PRAMEF19: variants seen among roughly 807,000 people sequenced by gnomAD.
PRAMEF19 encodes PRAME family member 19.
PRAMEF19 carries 21 observed loss-of-function variants against 33.1 expected under a neutral mutation model. That is an observed-to-expected ratio of 0.63 (90% confidence interval 0.45 to 0.91). The LOEUF is 0.91. Ranked by LOEUF, PRAMEF19 falls within the 40% of genes least tolerant of loss-of-function variation. The pLI is 0.00. For synonymous variants in PRAMEF19, 179 were observed against 229.3 expected, an observed-to-expected ratio of 0.78 and a Z score of 1.98; for missense variants, 481 against 585.2, an observed-to-expected ratio of 0.82 and a Z score of 1.84.
exon 3 of PRAMEF19, chr1:13,369,384 G>T: frequency 7.0e-7 from 1 of 1,425,408 alleles, no homozygotes; most frequent in Non-Finnish European, 9.5e-7. Context: ...TTGGAGCAGC[G>T]GCTCAGGGCA....
intron 2 of PRAMEF19, among the ~76,000 whole-genome samples, chr1:13,370,056 C>A (rs1640651970): frequency 6.6e-6 from 1 of 152,244 alleles, no homozygotes; most frequent in African/African-American, 2.4e-5. Flanking sequence ...TTGTACCACT[C>A]TCGTGCCTAC....
chr1:13,370,823 A>G, exon 2 of PRAMEF19: 1 of 1,613,966 alleles, frequency 6.2e-7, no homozygotes, highest in Non-Finnish European at 8.5e-7. Flanking sequence ...AAGATTCTTC[A>G]TCTGGCTCAG....
At chr1:13,370,624 G>A in intron 2 of PRAMEF19, 25 bp downstream of exon 2, 1 of 1,613,444 alleles carries the variant, frequency 6.2e-7, no homozygotes, top group South Asian at 1.1e-5. Context: ...GTGTCCCCCA[G>A]AGAAAGCTCA....
At chr1:13,370,812 G>T in exon 2 of PRAMEF19, 5 of 1,613,928 alleles carry the variant, frequency 3.1e-6, no homozygotes, top group Non-Finnish European at 3.4e-6. Flanking sequence ...AAGAGTTTTC[G>T]AAGATTCTTC....
At chr1:13,371,582 C>T (rs1640672841) in intron 1 of PRAMEF19, 32 bp downstream of exon 1, 6 of 1,610,760 alleles carry the variant, frequency 3.7e-6, no homozygotes, top group African/African-American at 1.4e-5. Context: ...AGTCCCTGGA[C>T]ACCTGGGCCC....
chr1:13,371,616 G>A lies in PRAMEF19; in HGVS notation c.285C>T (p.Pro95=), dbSNP rs1413420949. 5.6e-6 allele frequency: 9 copies of A among 1,610,740 alleles called. No individual in the cohort carries two copies. The African/African-American group carries it at 1.2e-4, about 22-fold the overall frequency. ...CCTCCCCACCTGGGTCACCTCACCT[G>A]GGGCGAACCTTTTGGGCAAGCAGGC... Residue 95 remains proline (P), a splice_region_variant and synonymous_variant, in exon 1 of 3, where the codon CCC becomes CCT. Transcript: ENST00000376101.
exon 3 of PRAMEF19, chr1:13,369,421 C>A (rs1389322261): frequency 0.05 from 79,862 of 1,613,248 alleles, 141 homozygotes; most frequent in Non-Finnish European, 0.058. Context: ...GTTTGGAGTC[C>A]CCAATCCCAC....
At chr1:13,368,798 G>T (rs1373435416), downstream of PRAMEF19, among the ~76,000 whole-genome samples, 2 of 151,974 alleles carry the variant, frequency 1.3e-5, no homozygotes, top group Admixed American at 1.3e-4. Context: ...GCCTGAAACA[G>T]AGGTTTCTCT....
downstream of PRAMEF19, chr1:13,368,990 G>T: frequency 6.4e-7 from 1 of 1,566,904 alleles, no homozygotes; most frequent in Non-Finnish European, 8.6e-7. Context: ...TAAGGAAAAA[G>T]AAAAATAAAA....
At chr1:13,371,004 C>T in exon 2 of PRAMEF19, 3 of 1,612,032 alleles carry the variant, frequency 1.9e-6, no homozygotes, top group Non-Finnish European at 2.5e-6. Flanking sequence ...CTGTGCTGCA[C>T]CCACCCAGAG....
exon 2 of PRAMEF19, chr1:13,371,019 A>C: frequency 6.2e-7 from 1 of 1,611,982 alleles, no homozygotes. Flanking sequence ...CCAGAGAAGA[A>C]GCTCAGATCT....
At chr1:13,368,944 C>A (rs1300529368), downstream of PRAMEF19, 1 of 1,422,136 alleles carries the variant, frequency 7.0e-7, no homozygotes, top group Non-Finnish European at 9.4e-7. Flanking sequence ...GAAACCCTGT[C>A]TCAAATTTTT....
rs751509729 is a variant in PRAMEF19, at chr1:13,369,383, C to T, written c.1124G>A (p.Arg375His). ...GCAGAAAGTGGTGAGGTTGGAGCAG[C>T]GGCTCAGGGCAGGCAGGATGACCCT... The change falls in exon 3 of 3, where the codon CGC (arginine) becomes CAC (histidine). Residue 375 changes from arginine to histidine, a missense_variant. Physicochemically the swap from Arg to His is conservative, Grantham distance 29. This residue lies in a region of PRAMEF19 where 392 missense variants were observed against 397.5 expected (regional missense o/e 0.99). Transcript: ENST00000376101. 1.7e-5 allele frequency: 28 copies of T among 1,612,252 alleles called. 1 individual carries two copies. Among genetic ancestry groups the T allele is most frequent in the Middle Eastern group, 2.1e-4 (1 of 4,756 alleles).
At chr1:13,371,494 C>T (rs1348374816) in intron 1 of PRAMEF19, 120 bp downstream of exon 1, 176 of 1,421,074 alleles carry the variant, frequency 1.2e-4, no homozygotes, top group South Asian at 2.8e-4. Context: ...TAGCCAAGAA[C>T]GTTCCCAGCT....
intron 2 of PRAMEF19, among the ~76,000 whole-genome samples, 175 bp downstream of exon 2, chr1:13,370,474 G>A (rs1404833597): frequency 6.6e-6 from 1 of 152,008 alleles, no homozygotes; most frequent in Non-Finnish European, 1.5e-5. Flanking sequence ...CCTTACTGGA[G>A]CGATCCTGTG....
exon 3 of PRAMEF19, chr1:13,369,346 A>G: frequency 6.2e-7 from 1 of 1,612,124 alleles, no homozygotes. Flanking sequence ...TGGACGTGTC[A>G]TTGCCGTGAA....
In PRAMEF19 at chr1:13,370,820, T is replaced by C. The variant is rs1640662150; in HGVS notation, c.695A>G (p.Lys232Arg). ...GGAGATGAAGAGTTTTCGAAGATTC[T>C]TCATCTGGCTCAGGTAACGGCTAAC... Residue 232 changes from lysine to arginine, a missense_variant, in exon 2 of 3, where the codon AAG becomes AGG. Coordinates refer to ENST00000376101, the Ensembl canonical transcript of PRAMEF19. 11 of 1,613,946 alleles carry C rather than the reference T, an allele frequency of 6.8e-6. No homozygotes were observed. The Middle Eastern group carries it at 6.6e-4, about 97-fold the overall frequency.
chr1:13,370,799 A>G, exon 2 of PRAMEF19: 2 of 1,613,944 alleles, frequency 1.2e-6, no homozygotes, highest in Non-Finnish European at 1.7e-6. Flanking sequence ...GCCATCGGAG[A>G]TGAAGAGTTT....
chr1:13,368,876 G>A (rs1384267513), downstream of PRAMEF19, among the ~76,000 whole-genome samples: 1 of 152,154 alleles, frequency 6.6e-6, no homozygotes, highest in African/African-American at 2.4e-5. Context: ...AATCTTGGGA[G>A]GCCAAGCAGG....
Sources: gnomAD v4.1 joint callset for allele counts (sites outside exome capture counted in the v4.1 genomes callset) on GRCh38, gnomAD v4.1.1 for gene constraint, gnomAD v4.1.1 regional missense constraint, MANE v1.5 for transcripts, NCBI Gene and HGNC (gene_info 2026-07-23, HGNC 2026-07-21) for gene names.